Variants in EYA1 observed in about 807,000 individuals in gnomAD.
EYA1 encodes protein phosphatase EYA1.
A neutral mutation model predicts 82.0 loss-of-function variants in EYA1; 16 were observed. The observed-to-expected ratio is 0.20, with a 90% CI of 0.13 to 0.30. The LOEUF (loss-of-function observed/expected upper bound fraction) is 0.30. Among genes scored for constraint, EYA1 ranks in the 10% least tolerant of loss-of-function variants. EYA1 has a pLI of 1.00. For missense variants in EYA1, 633 were observed against 730.7 expected, an observed-to-expected ratio of 0.87 and a Z score of 1.54; for synonymous variants, 261 against 264.4, an observed-to-expected ratio of 0.99 and a Z score of 0.12.
At chr8:71,474,651 T>C (rs1809508259) in intron 2 of EYA1, among the ~76,000 whole-genome samples, 1 of 152,178 alleles carries the variant, frequency 6.6e-6, no homozygotes, top group Non-Finnish European at 1.5e-5. Flanking sequence ...CTAGAATATA[T>C]AAAATAATTT....
intron 11 of EYA1, among the ~76,000 whole-genome samples, chr8:71,255,221 T>C (rs1814258381): frequency 6.6e-6 from 1 of 152,208 alleles, no homozygotes; most frequent in Non-Finnish European, 1.5e-5. Context: ...TCCCCAATAG[T>C]ATTTTTTTGC....
chr8:71,380,244 G>T (rs758411617), intron 2 of EYA1, among the ~76,000 whole-genome samples: 18 of 152,120 alleles, frequency 1.2e-4, no homozygotes, highest in Non-Finnish European at 2.1e-4. Context: ...ATTATGCATG[G>T]TTTGCAATAT....
chr8:71,471,102 C>A (rs1809167808), intron 2 of EYA1, among the ~76,000 whole-genome samples: 1 of 151,940 alleles, frequency 6.6e-6, no homozygotes, highest in Non-Finnish European at 1.5e-5. Flanking sequence ...CTGTTTCAAG[C>A]CCCAGAGAAC....
chr8:71,200,096 A>G (rs1159044469), intron 17 of EYA1: 1 of 155,468 alleles, frequency 6.4e-6, no homozygotes, highest in African/African-American at 2.4e-5. Context: ...TACATCATCC[A>G]TGAAGGGTGA....
chr8:71,315,544 G>A (rs1233700920), intron 7 of EYA1, among the ~76,000 whole-genome samples: 1 of 152,168 alleles, frequency 6.6e-6, no homozygotes, highest in Non-Finnish European at 1.5e-5. Context: ...TCTCCCGGAG[G>A]AATCTGCAAT....
In EYA1 at chr8:71,386,425, A is replaced by G. The variant is rs919551284; in HGVS notation, c.34-29914T>C. 2.0e-5 allele frequency among the ~76,000 whole-genome samples: 3 copies of G among 152,248 alleles called. No homozygotes were observed. The South Asian group carries it at 6.2e-4, about 32-fold the overall frequency. On this transcript the variant is annotated intron_variant, in intron 2 of 18. Transcript: ENST00000643681. ...GTTGCTGGCTCTTCCAAGGTTTTGA[A>G]AAAAGCCAGAAATTTATAGTTTTTC...
intron 11 of EYA1, among the ~76,000 whole-genome samples, chr8:71,260,280 T>C (rs1468198424): frequency 2.6e-5 from 4 of 152,220 alleles, no homozygotes; most frequent in Admixed American, 2.6e-4. Flanking sequence ...GGCTAAGTCA[T>C]TGTTCCAATT....
chr8:71,452,769 A>G (rs1177668477), intron 2 of EYA1, among the ~76,000 whole-genome samples: 1 of 152,238 alleles, frequency 6.6e-6, no homozygotes, highest in Non-Finnish European at 1.5e-5. Flanking sequence ...CCCAATTTGC[A>G]CGTCACCATC....
At chr8:71,398,986 C>G (rs1344882075) in intron 2 of EYA1, among the ~76,000 whole-genome samples, 1 of 152,214 alleles carries the variant, frequency 6.6e-6, no homozygotes, top group Non-Finnish European at 1.5e-5. Flanking sequence ...ACTCAAGCCA[C>G]AGCAATGGCA....
chr8:71,213,957 C>T (rs1808856571), intron 16 of EYA1, among the ~76,000 whole-genome samples: 1 of 152,166 alleles, frequency 6.6e-6, no homozygotes, highest in African/African-American at 2.4e-5. Context: ...GAGACAAACC[C>T]AGTCCTCAAG....
intron 2 of EYA1, among the ~76,000 whole-genome samples, chr8:71,445,019 CTGAGT>C (rs1389938344): frequency 6.6e-6 from 1 of 152,216 alleles, no homozygotes; most frequent in Admixed American, 6.5e-5. Context: ...AAAAAACTCT[CTGAGT>C]TTTCACAAGA....
intron 9 of EYA1, among the ~76,000 whole-genome samples, chr8:71,286,558 TG>T (rs1031145038): frequency 1.3e-5 from 2 of 151,960 alleles, no homozygotes; most frequent in Admixed American, 6.6e-5. Flanking sequence ...CTTGGTTGAG[TG>T]GGGGGAAACT....
intron 11 of EYA1, among the ~76,000 whole-genome samples, chr8:71,259,200 A>G (rs917135906): frequency 6.6e-6 from 1 of 152,134 alleles, no homozygotes; most frequent in South Asian, 2.1e-4. Flanking sequence ...GCCGTATCAC[A>G]TTCTCTTGGT....
upstream of EYA1, chr8:71,362,155 C>CTTTTTTTTTTTTTTTTTTTTTTT (rs35320129): frequency 1.6e-6 from 1 of 625,384 alleles, no homozygotes; most frequent in Non-Finnish European, 1.8e-6. Context: ...TCGGGGCTTT[C>CTTTTTTTTTTTTTTTTTTTTTTT]TTTTTTTTTT....
chr8:71,211,045 A>C lies in EYA1; in HGVS notation c.1698+111T>G, dbSNP rs527667754. The C allele has an allele frequency of 5.0e-5, 39 of 772,832 alleles. No homozygotes were observed. The Admixed American group carries it at 5.5e-4, about 11-fold the overall frequency. 47.9% of individuals were successfully genotyped at this position (772,832 alleles called of 1,614,324 possible). On this transcript the variant is annotated intron_variant, in intron 17 of 17. Coordinates refer to ENST00000340726, the MANE Select transcript of EYA1 (RefSeq NM_000503.6). ...CCCTGTTCAGTGCTTAGAGTACTGC[A>C]CATATTCATCACGTTTCACATAAAT...
At chr8:71,541,565 C>G (rs555729783) in intron 1 of EYA1, among the ~76,000 whole-genome samples, 27 of 152,232 alleles carry the variant, frequency 1.8e-4, no homozygotes, top group African/African-American at 6.0e-4. Context: ...ATTAAACCTA[C>G]AAATTATTTT....
intron 2 of EYA1, among the ~76,000 whole-genome samples, chr8:71,509,125 G>A (rs1812410233): frequency 6.6e-6 from 1 of 151,988 alleles, no homozygotes; most frequent in Admixed American, 6.6e-5. Context: ...GGGAGGTGGA[G>A]GGTAGAGGCC....
chr8:71,418,819 G>T (rs1250080768), intron 2 of EYA1, among the ~76,000 whole-genome samples: 1 of 152,162 alleles, frequency 6.6e-6, no homozygotes, highest in African/African-American at 2.4e-5. Flanking sequence ...CAATGGGAGG[G>T]AGGGAGGTGC....
At chr8:71,392,541 T>G (rs1829338666) in intron 2 of EYA1, among the ~76,000 whole-genome samples, 1 of 152,220 alleles carries the variant, frequency 6.6e-6, no homozygotes, top group South Asian at 2.1e-4. Flanking sequence ...GGTCCCATTG[T>G]AATGAGGTGA....
Sources: allele counts gnomAD v4.1 joint callset (sites outside exome capture counted in the v4.1 genomes callset), GRCh38; gene constraint gnomAD v4.1.1; transcripts MANE v1.5; gene names NCBI Gene and HGNC (gene_info 2026-07-23, HGNC 2026-07-21).